Variants in MINPP1 observed in about 807,000 individuals in gnomAD.
The protein encoded by MINPP1 is multiple inositol-polyphosphate phosphatase 1, also known as multiple inositol polyphosphate phosphatase 1.
A neutral mutation model predicts 46.1 loss-of-function variants in MINPP1; 28 were observed. That is an observed-to-expected ratio of 0.61 (90% CI 0.45 to 0.83). The LOEUF (loss-of-function observed/expected upper bound fraction) is 0.83. Ranked by LOEUF, MINPP1 falls within the 40% of genes least tolerant of loss-of-function variation. The pLI, the probability that MINPP1 is intolerant of heterozygous loss-of-function variation, is 0.00. For missense variants in MINPP1, 603 were observed against 610.0 expected (o/e 0.99, Z 0.12); for synonymous variants, 268 against 249.1 (o/e 1.08, Z -0.72).
At position 87,520,007 on chromosome 10, in the gene MINPP1, G is replaced by A. The variant is rs140969946; in HGVS notation, c.934-1029G>A. ...ATCAGTGATAGGTAGGTTTCAAACCGTTTTCTATACTTTTATAATCTGTAT... is the reference window on the plus strand; with the variant it reads ...ATCAGTGATAGGTAGGTTTCAAACCATTTTCTATACTTTTATAATCTGTAT... On this transcript the variant is annotated intron_variant, in intron 3 of 4. Coordinates refer to ENST00000371996, the MANE Select transcript of MINPP1 (RefSeq NM_004897.5). Among the ~76,000 whole-genome samples, 9 of 150,796 alleles carry A rather than the reference G, an allele frequency of 6.0e-5. No individual in the cohort carries two copies. The East Asian group carries it at 1.2e-3, about 20-fold the overall frequency.
rs138280665 is a variant in MINPP1 at position 87,551,948 on chromosome 10, T to A, written c.1068-134T>A. 2.1e-4 allele frequency: 148 copies of A among 711,890 alleles called. 2 individuals are homozygous for A. The East Asian group carries it at 4.0e-3, about 19-fold the overall frequency. 44.1% of individuals were successfully genotyped at this position (711,890 alleles called of 1,614,324 possible). A position where few individuals can be genotyped will look rare whatever the true frequency, so the allele number is the denominator to read the frequency against. On this transcript the variant is annotated intron_variant, in intron 4 of 4. Transcript: ENST00000371996. The stretch of plus-strand genomic sequence containing the variant: ...GAATTTCAGCCGTATGCTTGTGTAA[T>A]GTATATAAAGATTTAAAAAAATAGA...
chr10:87,525,188 A>G (rs903149259), intron 4 of MINPP1, among the ~76,000 whole-genome samples: 6 of 152,212 alleles, frequency 3.9e-5, no homozygotes, highest in Admixed American at 3.3e-4. Context: ...GTGTTTTAGT[A>G]TATTCACAGA....
intron 4 of MINPP1, among the ~76,000 whole-genome samples, chr10:87,525,368 A>G (rs111445628): frequency 4.6e-5 from 7 of 152,356 alleles, no homozygotes; most frequent in Admixed American, 1.3e-4. Context: ...GACATTTCAT[A>G]TAAATGGAAT....
At chr10:87,544,522 A>G (rs1242452967) in intron 4 of MINPP1, among the ~76,000 whole-genome samples, 4 of 152,150 alleles carry the variant, frequency 2.6e-5, no homozygotes. Context: ...CCCTGTAATC[A>G]TGCCTTTGCC....
intron 4 of MINPP1, among the ~76,000 whole-genome samples, chr10:87,550,244 G>A (rs1173330022): frequency 1.3e-5 from 2 of 152,102 alleles, no homozygotes; most frequent in South Asian, 4.1e-4. Context: ...ACTTATGCTG[G>A]TCAAACTAAA....
At position 87,552,545 on chromosome 10, in the gene MINPP1, G is replaced by T. The variant is rs1851980201; in HGVS notation, c.*67G>T. The T allele has an allele frequency of 1.0e-5, 15 of 1,477,702 alleles. No individual in the cohort carries two copies. Among genetic ancestry groups the T allele is most frequent in the Non-Finnish European group, 1.1e-5 (12 of 1,069,714 alleles). The allele number at this position is 1,477,702 out of a possible 1,614,324, so 91.5% of individuals were successfully genotyped here. A position where few individuals can be genotyped will look rare whatever the true frequency, so the allele number is the denominator to read the frequency against. ...AGTGATTACATGCTTGTAATAGGTA[G>T]GCAATTCCTTGATTACAGGAAGCTT... On this transcript the variant is annotated 3_prime_UTR_variant, in exon 5 of 5. Coordinates refer to ENST00000371996, the MANE Select transcript of MINPP1 (RefSeq NM_004897.5).
chr10:87,509,478 T>A (rs1373267703), intron 2 of MINPP1, among the ~76,000 whole-genome samples: 2 of 152,196 alleles, frequency 1.3e-5, no homozygotes, highest in East Asian at 3.9e-4. Context: ...GGGAAATAAT[T>A]CAAACACGAA....
chr10:87,534,872 G>C (rs951556161), intron 4 of MINPP1, among the ~76,000 whole-genome samples: 5 of 152,162 alleles, frequency 3.3e-5, no homozygotes, highest in Admixed American at 2.0e-4. Context: ...TAAGAGGTTA[G>C]GAAATTATTT....
chr10:87,513,889 G>A (rs1589370835), intron 3 of MINPP1, among the ~76,000 whole-genome samples: 1 of 152,080 alleles, frequency 6.6e-6, no homozygotes, highest in Non-Finnish European at 1.5e-5. Context: ...ATACAATAGA[G>A]CCGTATTCTT....
intron 4 of MINPP1, among the ~76,000 whole-genome samples, chr10:87,549,098 A>C (rs148539794): frequency 6.6e-6 from 1 of 152,144 alleles, no homozygotes; most frequent in Non-Finnish European, 1.5e-5. Context: ...ATTTTCCTCA[A>C]ATTTCTTCTG....
intron 3 of MINPP1, among the ~76,000 whole-genome samples, chr10:87,518,725 G>A (rs1301367949): frequency 6.6e-6 from 1 of 152,044 alleles, no homozygotes; most frequent in Non-Finnish European, 1.5e-5. Flanking sequence ...CTCTTCTTTG[G>A]GTTCAGTTAA....
rs577476646 is a variant in MINPP1, at chr10:87,536,474, A to G, written c.1067+15305A>G. ...AAAGTGTACAATTTGGTCAGTTTTT[A>G]CATATATATATACGCCCATGAAACC... On this transcript the variant is annotated intron_variant, in intron 4 of 4. Coordinates refer to ENST00000371996, the MANE Select transcript of MINPP1 (RefSeq NM_004897.5). Among the ~76,000 whole-genome samples, 12 of 151,492 alleles carry G rather than the reference A, an allele frequency of 7.9e-5. No individual in the cohort carries two copies. In the East Asian group the frequency reaches 2.3e-3, roughly 29 times the overall value.
At chr10:87,524,930 A>C (rs867382777) in intron 4 of MINPP1, among the ~76,000 whole-genome samples, 14 of 152,154 alleles carry the variant, frequency 9.2e-5, no homozygotes, top group Non-Finnish European at 4.4e-5. Flanking sequence ...TAATTAAAAA[A>C]ACTTTGAAAT....
At chr10:87,537,730 C>T (rs1216102830) in intron 4 of MINPP1, among the ~76,000 whole-genome samples, 2 of 151,888 alleles carry the variant, frequency 1.3e-5, no homozygotes, top group Non-Finnish European at 2.9e-5. Context: ...CCCACTCTGG[C>T]TTATGTGAAA....
intron 4 of MINPP1, among the ~76,000 whole-genome samples, chr10:87,545,741 C>T (rs933803304): frequency 2.0e-5 from 3 of 152,072 alleles, no homozygotes; most frequent in Non-Finnish European, 2.9e-5. Context: ...TAGATCACAT[C>T]GAGTCTGGAT....
chr10:87,540,487 T>G (rs1259716150), intron 4 of MINPP1, among the ~76,000 whole-genome samples: 1 of 102,576 alleles, frequency 9.7e-6, no homozygotes, highest in Non-Finnish European at 1.9e-5. Flanking sequence ...TCTCTGTCTC[T>G]CTCTCTGTCA....
At chr10:87,523,580 C>T (rs1385065253) in intron 4 of MINPP1, among the ~76,000 whole-genome samples, 2 of 150,972 alleles carry the variant, frequency 1.3e-5, no homozygotes, top group East Asian at 1.9e-4. Context: ...AGGATGGTCT[C>T]GATCTCCTGA....
At chr10:87,548,679 A>G (rs746593246) in intron 4 of MINPP1, among the ~76,000 whole-genome samples, 74 of 152,228 alleles carry the variant, frequency 4.9e-4, no homozygotes, top group Non-Finnish European at 9.0e-4. Flanking sequence ...AAATAAAATT[A>G]TAAGTGTATT....
chr10:87,524,461 C>T (rs1329012891), intron 4 of MINPP1, among the ~76,000 whole-genome samples: 2 of 152,198 alleles, frequency 1.3e-5, no homozygotes, highest in Non-Finnish European at 2.9e-5. Context: ...TAACATTCTT[C>T]CACTTTCTTA....
Sources: gnomAD v4.1 joint callset for allele counts (sites outside exome capture counted in the v4.1 genomes callset) on GRCh38, gnomAD v4.1.1 for gene constraint, MANE v1.5 for transcripts, NCBI Gene and HGNC (gene_info 2026-07-23, HGNC 2026-07-21) for gene names.